The following IKZF3 variants were observed in gnomAD, a reference collection of about 807,000 sequenced individuals.
IKZF3 encodes zinc finger protein Aiolos.
A neutral mutation model predicts 49.0 loss-of-function variants in IKZF3; 10 were observed. The observed-to-expected ratio is 0.20, with a 90% CI of 0.13 to 0.35. The LOEUF (loss-of-function observed/expected upper bound fraction) is 0.35. Ranked by LOEUF, IKZF3 falls within the 10% of genes least tolerant of loss-of-function variation. IKZF3 has a pLI of 1.00. For missense variants in IKZF3, 498 were observed against 664.8 expected (o/e 0.75, Z 2.76); for synonymous variants, 209 against 228.2 (o/e 0.92, Z 0.76).
At chr17:39,779,654 T>G (rs1263666807) in intron 6 of IKZF3, among the ~76,000 whole-genome samples, 1 of 126,920 alleles carries the variant, frequency 7.9e-6, no homozygotes, top group Non-Finnish European at 1.6e-5. Context: ...TTGTTTTTTG[T>G]TTTTTTTTTT....
intron 1 of IKZF3, among the ~76,000 whole-genome samples, chr17:39,833,829 TC>T (rs1164668721): frequency 2.0e-5 from 3 of 152,176 alleles, no homozygotes; most frequent in African/African-American, 7.2e-5. Flanking sequence ...ACACCCAATT[TC>T]CCCTATTATT....
intron 5 of IKZF3, 102 bp downstream of exon 5, chr17:39,791,311 CAAG>C (rs1280423014): frequency 1.6e-6 from 2 of 1,219,874 alleles, no homozygotes; most frequent in African/African-American, 3.0e-5. Flanking sequence ...CCCTTCAGAA[CAAG>C]AATGACAGAT....
rs558455000 is a variant in IKZF3 at position 39,776,710 on chromosome 17, TC to T, written c.826+940del. ...TTATCTATACCAGAATCAAATTTAG[TC>T]AGATTTAAAAACCAGGCAGGCAACT... is the stretch of plus-strand genomic sequence containing the variant. On this transcript the variant is annotated intron_variant, in intron 7 of 7. Coordinates refer to ENST00000346872, the MANE Select transcript of IKZF3 (RefSeq NM_012481.5). Among the ~76,000 whole-genome samples the T allele has an allele frequency of 1.1e-4, 16 of 152,314 alleles. No individual in the cohort carries two copies. In the East Asian group the frequency reaches 3.1e-3, roughly 29 times the overall value.
intron 3 of IKZF3, among the ~76,000 whole-genome samples, chr17:39,804,484 G>T (rs1362276507): frequency 6.6e-6 from 1 of 151,730 alleles, no homozygotes; most frequent in Non-Finnish European, 1.5e-5. Context: ...ATGAATGAAT[G>T]AACTTCTTGG....
rs138812490 is a variant in IKZF3 at position 39,779,646 on chromosome 17, G to GTTTTTTTTT, written c.710-1880_710-1879insAAAAAAAAA. On this transcript the variant is annotated intron_variant, in intron 6 of 7. Coordinates refer to ENST00000346872, the MANE Select transcript of IKZF3 (RefSeq NM_012481.5). ...ATATAGTCTCTATGTTATATTCTTT[G>GTTTTTTTTT]TTTTTTGTTTTTTTTTTTTCTGTTC... 1.0e-4 allele frequency among the ~76,000 whole-genome samples: 12 copies of GTTTTTTTTT among 117,808 alleles called. 3 individuals are homozygous for GTTTTTTTTT. The highest frequency in any genetic ancestry group is 2.3e-4 in the East Asian group (1 of 4,358). 77.3% of individuals were successfully genotyped at this position (117,808 alleles called of 152,430 possible). A position where few individuals can be genotyped will look rare whatever the true frequency, so the allele number is the denominator to read the frequency against.
rs1474168920 is a variant in IKZF3 at position 39,758,005 on chromosome 17, C to T, written c.*7785G>A. On this transcript the variant is annotated 3_prime_UTR_variant, in exon 8 of 8. Coordinates refer to ENST00000346872, the MANE Select transcript of IKZF3 (RefSeq NM_012481.5). ...TGAGAGGAGAGGCTGTGAGCACAGG[C>T]TGTGTCAAAACCCAGGGCAAGGGCT... 1.3e-5 allele frequency: 2 copies of T among 152,172 alleles called. No individual in the cohort carries two copies. Among genetic ancestry groups the T allele is most frequent in the Non-Finnish European group, 2.9e-5 (2 of 68,046 alleles). 9.4% of individuals were successfully genotyped at this position (152,172 alleles called of 1,614,324 possible). A position where few individuals can be genotyped will look rare whatever the true frequency, so the allele number is the denominator to read the frequency against.
At chr17:39,818,631 C>CTTGAGGTCAGGAGT (rs2061731728) in intron 3 of IKZF3, among the ~76,000 whole-genome samples, 2 of 152,084 alleles carry the variant, frequency 1.3e-5, no homozygotes, top group African/African-American at 2.4e-5. Context: ...GGGCAGATCA[C>CTTGAGGTCAGGAGT]TTGAGGTCAG....
chr17:39,832,522 C>CCT (rs1555638381), intron 1 of IKZF3, among the ~76,000 whole-genome samples: 4 of 150,524 alleles, frequency 2.7e-5, no homozygotes, highest in Non-Finnish European at 4.4e-5. Flanking sequence ...TATATATGTA[C>CCT]ATATATATAA....
At chr17:39,861,132 T>C (rs1182246966) in intron 1 of IKZF3, among the ~76,000 whole-genome samples, 2 of 152,242 alleles carry the variant, frequency 1.3e-5, no homozygotes, top group African/African-American at 4.8e-5. Context: ...AACCAGAAAC[T>C]GTCCTTCGCA....
At chr17:39,844,686 G>A (rs1044922087) in intron 1 of IKZF3, among the ~76,000 whole-genome samples, 3 of 151,562 alleles carry the variant, frequency 2.0e-5, no homozygotes, top group South Asian at 2.1e-4. Flanking sequence ...GCAATGGTGC[G>A]ATCTCGGTTC....
In IKZF3 at chr17:39,765,718, A is replaced by G. The variant is rs2143558888; in HGVS notation, c.*72T>C. On this transcript the variant is annotated 3_prime_UTR_variant, in exon 8 of 8. Transcript: ENST00000346872. ...TGGAACTGAGTATGTTTTGAGAGCAATCTGTTAGGCGAGGTCATTGGTTTT... is the reference window on the plus strand; with the variant it reads ...TGGAACTGAGTATGTTTTGAGAGCAGTCTGTTAGGCGAGGTCATTGGTTTT... 8.5e-7 allele frequency: 1 copy of G among 1,170,698 alleles called. No homozygotes were observed. Among genetic ancestry groups the G allele is most frequent in the East Asian group, 2.4e-5 (1 of 42,344 alleles). The allele number at this position is 1,170,698 out of a possible 1,614,324, so 72.5% of individuals were successfully genotyped here.
At chr17:39,772,132 T>C (rs1046105345) in intron 7 of IKZF3, among the ~76,000 whole-genome samples, 33 of 152,064 alleles carry the variant, frequency 2.2e-4, no homozygotes, top group African/African-American at 6.8e-4. Flanking sequence ...GAGGAGTTCA[T>C]TGTGGCTGAA....
intron 7 of IKZF3, among the ~76,000 whole-genome samples, chr17:39,767,336 C>T (rs549392690): frequency 1.3e-5 from 2 of 152,264 alleles, no homozygotes; most frequent in Admixed American, 6.5e-5. Context: ...GTTTAGCCAC[C>T]TTCAGAGTGT....
At chr17:39,835,074 C>A in intron 1 of IKZF3, 1 of 425,578 alleles carries the variant, frequency 2.3e-6, no homozygotes, top group South Asian at 1.7e-5. Context: ...GCTGGAGCCC[C>A]CGCCAGAGCC....
chr17:39,820,717 A>G (rs1362543191), intron 3 of IKZF3, among the ~76,000 whole-genome samples: 1 of 152,096 alleles, frequency 6.6e-6, no homozygotes, highest in Non-Finnish European at 1.5e-5. Context: ...TTTCAATAGC[A>G]CCTTAGATTA....
chr17:39,832,159 G>T lies in IKZF3; in HGVS notation c.8-8C>A. On this transcript the variant is annotated splice_polypyrimidine_tract_variant and splice_region_variant and intron_variant, in intron 1 of 7. Coordinates refer to ENST00000346872, the MANE Select transcript of IKZF3 (RefSeq NM_012481.5). ...CCGCATTTGTTTGTATATCTGAAAA[G>T]AAAGAGGTTATAAATATTAGCTACT... The T allele has an allele frequency of 1.9e-6, 3 of 1,607,512 alleles. No homozygotes were observed. The highest frequency in any genetic ancestry group is 2.6e-6 in the Non-Finnish European group (3 of 1,174,346).
chr17:39,850,086 T>C (rs2062757733), intron 1 of IKZF3, among the ~76,000 whole-genome samples: 1 of 96,816 alleles, frequency 1.0e-5, no homozygotes, highest in East Asian at 2.7e-4. Context: ...TATGCATATA[T>C]ACTATATAGC....
intron 1 of IKZF3, among the ~76,000 whole-genome samples, chr17:39,854,836 C>G (rs1042574983): frequency 1.3e-5 from 2 of 152,066 alleles, no homozygotes; most frequent in African/African-American, 4.8e-5. Flanking sequence ...AGCAGCAGTC[C>G]AGAGTCACAT....
intron 7 of IKZF3, among the ~76,000 whole-genome samples, chr17:39,770,398 TG>T (rs1292333792): frequency 1.3e-5 from 2 of 152,204 alleles, no homozygotes; most frequent in Admixed American, 1.3e-4. Context: ...GCTGCCTGGT[TG>T]GGCCATTCCC....
Sources: gnomAD v4.1 joint callset for allele counts (sites outside exome capture counted in the v4.1 genomes callset) on GRCh38, gnomAD v4.1.1 for gene constraint, MANE v1.5 for transcripts, NCBI Gene and HGNC (gene_info 2026-07-23, HGNC 2026-07-21) for gene names.